Variants in NCLN observed in about 807,000 individuals in gnomAD.
NCLN encodes BOS complex subunit NCLN.
In NCLN, 34 loss-of-function variants were observed where a neutral mutation model predicts 69.5. That is an observed-to-expected ratio of 0.49 (90% CI 0.37 to 0.65). The LOEUF is 0.65. Among genes scored for constraint, NCLN ranks in the 30% least tolerant of loss-of-function variants. The probability of loss-of-function intolerance (pLI) is 0.00; values close to 1 mark genes in which losing one functional copy is unlikely to be tolerated. For missense variants in NCLN, 710 were observed against 804.8 expected, an observed-to-expected ratio of 0.88 and a Z score of 1.42; for synonymous variants, 393 against 358.3, an observed-to-expected ratio of 1.10 and a Z score of -1.09.
At chr19:3,200,382 C>T (rs1442782024) in intron 5 of NCLN, among the ~76,000 whole-genome samples, 1 of 140,170 alleles carries the variant, frequency 7.1e-6, no homozygotes, top group Non-Finnish European at 1.5e-5. Flanking sequence ...GAGATCTGGG[C>T]TCACTGCAAC....
chr19:3,203,664 A>G, intron 6 of NCLN, 92 bp from the exon 7 acceptor site: 2 of 1,175,578 alleles, frequency 1.7e-6, no homozygotes, highest in South Asian at 1.4e-5. Context: ...GGAGACCTTC[A>G]TACCCTTCCT....
rs758388064 is a variant in NCLN, at chr19:3,204,569, G to A, written c.1030-4G>A. ...CCCTCTGCTAATGGCGCCTCCGGCTGCAGGTGGCCGCGCACCAGTTCCCTG... is the reference window on the plus strand; with the variant it reads ...CCCTCTGCTAATGGCGCCTCCGGCTACAGGTGGCCGCGCACCAGTTCCCTG... On this transcript the variant is annotated splice_polypyrimidine_tract_variant and splice_region_variant and intron_variant, in intron 8 of 14. Coordinates refer to ENST00000246117, the MANE Select transcript of NCLN (RefSeq NM_020170.4). The A allele has an allele frequency of 3.9e-6, 6 of 1,528,396 alleles. No individual in the cohort carries two copies. The highest frequency in any genetic ancestry group is 2.4e-5 in the East Asian group (1 of 41,460). The allele number at this position is 1,528,396 out of a possible 1,614,324, so 94.7% of individuals were successfully genotyped here.
At chr19:3,193,517 T>A in intron 3 of NCLN, 89 bp downstream of exon 3, 1 of 1,415,528 alleles carries the variant, frequency 7.1e-7, no homozygotes. Context: ...CTGGGCTGTT[T>A]CTGCTCTCAG....
At chr19:3,199,316 C>T (rs1652358085) in intron 5 of NCLN, among the ~76,000 whole-genome samples, 1 of 152,228 alleles carries the variant, frequency 6.6e-6, no homozygotes, top group Non-Finnish European at 1.5e-5. Context: ...GCTTCCAGGC[C>T]CTCTCCCTGT....
At chr19:3,199,634 C>T (rs1054372334) in intron 5 of NCLN, among the ~76,000 whole-genome samples, 3 of 131,970 alleles carry the variant, frequency 2.3e-5, no homozygotes, top group Non-Finnish European at 3.2e-5. Flanking sequence ...GTGGGTTGAG[C>T]GGGAGTGGGG....
chr19:3,186,535 G>A lies in NCLN; in HGVS notation c.184+321G>A, dbSNP rs181378494. Among the ~76,000 whole-genome samples, 47 of 152,260 alleles carry A rather than the reference G, an allele frequency of 3.1e-4. No homozygotes were observed. The East Asian group carries it at 9.1e-3, about 29-fold the overall frequency. On this transcript the variant is annotated intron_variant, in intron 1 of 14. Transcript: ENST00000246117. ...GTCCCCTCTCTCCTGTCCCCAGCTG[G>A]GCCGGCGTCTGCCTGCCTTGCCGAG...
At chr19:3,189,724 G>C (rs550834671) in intron 1 of NCLN, among the ~76,000 whole-genome samples, 1 of 152,362 alleles carries the variant, frequency 6.6e-6, no homozygotes, top group African/African-American at 2.4e-5. Flanking sequence ...GTGGCCACCC[G>C]GCCCGACCCT....
chr19:3,186,364 C>G, intron 1 of NCLN, 150 bp downstream of exon 1: 1 of 904,542 alleles, frequency 1.1e-6, no homozygotes, highest in East Asian at 3.3e-5. Flanking sequence ...CCGCCCTGGA[C>G]CCCCGGGCGC....
intron 11 of NCLN, 34 bp from the exon 12 acceptor site, chr19:3,206,228 G>A (rs760737750): frequency 1.5e-6 from 2 of 1,324,810 alleles, no homozygotes; most frequent in Non-Finnish European, 2.1e-6. Context: ...GGGTGGGCGG[G>A]GCCAGGCCAT....
At chr19:3,203,677 G>A (rs1916183444) in intron 6 of NCLN, 79 bp from the exon 7 acceptor site, 2 of 1,300,316 alleles carry the variant, frequency 1.5e-6, no homozygotes, top group East Asian at 2.5e-5. Flanking sequence ...CCCTTCCTGG[G>A]GGACCTGTGA....
chr19:3,201,555 C>G lies in NCLN; in HGVS notation c.729C>G (p.Ser243Arg). The G allele has an allele frequency of 6.4e-7, 1 of 1,562,702 alleles. No homozygotes were observed. Among genetic ancestry groups the G allele is most frequent in the Non-Finnish European group, 8.6e-7 (1 of 1,160,558 alleles). Residue 243 changes from serine to arginine, a missense_variant, in exon 6 of 15, where the codon AGC becomes AGG. Physicochemically the swap from Ser to Arg is moderately radical, Grantham distance 110. Coordinates refer to ENST00000246117, the MANE Select transcript of NCLN (RefSeq NM_020170.4). The part of the protein sequence containing the change: ...WLSLGADSNG[S>R]GVSVLLELAR... The stretch of plus-strand genomic sequence containing the variant: ...CGCTGGGCGCGGACTCCAACGGGAG[C>G]GGCGTCTCTGTGCTGCTGGAGCTGG...
chr19:3,201,648 G>A, intron 6 of NCLN, 22 bp downstream of exon 6: 1 of 1,504,672 alleles, frequency 6.6e-7, no homozygotes, highest in Non-Finnish European at 8.9e-7. Context: ...GGTGGGCAGG[G>A]GGATGGGGGT....
chr19:3,189,531 T>C (rs1382640953), intron 1 of NCLN, among the ~76,000 whole-genome samples: 1 of 151,678 alleles, frequency 6.6e-6, no homozygotes, highest in East Asian at 1.9e-4. Flanking sequence ...TGGCCCCCGA[T>C]AGATAGACAG....
chr19:3,204,397 C>T (rs954286645), intron 8 of NCLN, among the ~76,000 whole-genome samples, 176 bp from the exon 9 acceptor site: 11 of 152,116 alleles, frequency 7.2e-5, no homozygotes, highest in South Asian at 2.1e-4. Context: ...CCCTCCTTAC[C>T]CACTGCTCAT....
At chr19:3,200,202 GCCT>G (rs1916089703) in intron 5 of NCLN, among the ~76,000 whole-genome samples, 1 of 152,130 alleles carries the variant, frequency 6.6e-6, no homozygotes, top group Non-Finnish European at 1.5e-5. Flanking sequence ...ACCCGCCTCG[GCCT>G]CCTAACCTGC....
intron 5 of NCLN, among the ~76,000 whole-genome samples, chr19:3,200,196 G>A (rs1419092145): frequency 6.6e-6 from 1 of 151,600 alleles, no homozygotes; most frequent in African/African-American, 2.4e-5. Context: ...CAATCCACCC[G>A]CCTCGGCCTC....
intron 5 of NCLN, among the ~76,000 whole-genome samples, chr19:3,201,134 C>A (rs914891514): frequency 1.7e-4 from 26 of 152,316 alleles, no homozygotes; most frequent in African/African-American, 6.3e-4. Flanking sequence ...AGAGGGGACC[C>A]CGCACAGAGA....
At chr19:3,198,782 A>G in intron 4 of NCLN, 35 bp from the exon 5 acceptor site, 1 of 1,552,236 alleles carries the variant, frequency 6.4e-7, no homozygotes, top group Non-Finnish European at 8.7e-7. Context: ...CTGCCCCAGG[A>G]ACAGCCAGGC....
intron 5 of NCLN, among the ~76,000 whole-genome samples, chr19:3,199,856 A>T (rs924057742): frequency 6.6e-6 from 1 of 151,374 alleles, no homozygotes; most frequent in Admixed American, 6.6e-5. Context: ...ACCCGCCACC[A>T]CACCTGGCTA....
Sources: allele counts gnomAD v4.1 joint callset (sites outside exome capture counted in the v4.1 genomes callset), GRCh38; gene constraint gnomAD v4.1.1; transcripts MANE v1.5; gene names NCBI Gene and HGNC (gene_info 2026-07-23, HGNC 2026-07-21).